Variants in RFK observed in about 807,000 individuals in gnomAD.
RFK encodes the protein 0610038L10Rik.
Under a neutral mutation model 17.6 loss-of-function variants are expected in RFK, and 4 were observed. The observed-to-expected ratio is 0.23, with a 90% CI of 0.11 to 0.52. RFK has a LOEUF of 0.52. Ranked by LOEUF, RFK falls within the 20% of genes least tolerant of loss-of-function variation. RFK has a pLI of 0.96. For missense variants in RFK, 189 were observed against 187.7 expected, an observed-to-expected ratio of 1.01 and a Z score of -0.04; for synonymous variants, 59 against 63.8, an observed-to-expected ratio of 0.92 and a Z score of 0.36.
chr9:76,387,658 A>C, intron 3 of RFK, 129 bp from the exon 4 acceptor site: 2 of 810,712 alleles, frequency 2.5e-6, no homozygotes, highest in Non-Finnish European at 3.8e-6. Flanking sequence ...TACCCAATAA[A>C]TGTTTGTTCC....
At chr9:76,390,216 A>G (rs1280836702) in intron 2 of RFK, among the ~76,000 whole-genome samples, 1 of 152,242 alleles carries the variant, frequency 6.6e-6, no homozygotes, top group African/African-American at 2.4e-5. Flanking sequence ...ATACCATACT[A>G]AAAAAGTCAA....
Position 76,387,338 on chromosome 9 carries a change from G to C in RFK, c.*61C>G, listed in dbSNP as rs935218299. Reference sequence around the variant, plus strand: ...TTCAGTATATAACCAAGATGATGCTGAACAGTAATAAACACAGAAACACTA... The same window carrying C: ...TTCAGTATATAACCAAGATGATGCTCAACAGTAATAAACACAGAAACACTA... On this transcript the variant is annotated 3_prime_UTR_variant, in exon 4 of 4. Coordinates refer to ENST00000376736, the MANE Select transcript of RFK (RefSeq NM_018339.6). The C allele has an allele frequency of 4.1e-6, 6 of 1,475,080 alleles. No individual in the cohort carries two copies. The highest frequency in any genetic ancestry group is 3.6e-5 in the Admixed American group (2 of 55,620). The allele number at this position is 1,475,080 out of a possible 1,614,324, so 91.4% of individuals were successfully genotyped here.
Position 76,387,243 on chromosome 9 carries a change from G to A in RFK, c.*156C>T. ...ATGATATGATGGGCTTAATTTAATA[G>A]TTGAAGCATGATATGATAACAACAT... On this transcript the variant is annotated 3_prime_UTR_variant, in exon 4 of 4. Transcript: ENST00000376736. 1 of 643,508 alleles carries A rather than the reference G, an allele frequency of 1.6e-6. No individual in the cohort carries two copies. Among genetic ancestry groups the A allele is most frequent in the South Asian group, 2.3e-5 (1 of 43,144 alleles). 39.9% of individuals were successfully genotyped at this position (643,508 alleles called of 1,614,324 possible). A position where few individuals can be genotyped will look rare whatever the true frequency, so the allele number is the denominator to read the frequency against.
intron 2 of RFK, among the ~76,000 whole-genome samples, chr9:76,391,744 T>C (rs1382276198): frequency 6.6e-6 from 1 of 152,214 alleles, no homozygotes; most frequent in African/African-American, 2.4e-5. Context: ...TAATCTTTGT[T>C]ATTGGGTACC....
intron 3 of RFK, 133 bp from the exon 4 acceptor site, chr9:76,387,662 T>C (rs1822756780): frequency 1.3e-6 from 1 of 778,590 alleles, no homozygotes; most frequent in Admixed American, 2.7e-5. Flanking sequence ...CAATAAATGT[T>C]TGTTCCATCA....
In RFK at chr9:76,394,302, C is replaced by T; in HGVS notation, c.-131G>A. The T allele has an allele frequency of 2.4e-6, 2 of 844,138 alleles. No homozygotes were observed. Among genetic ancestry groups the T allele is most frequent in the Non-Finnish European group, 3.5e-6 (2 of 577,764 alleles). The allele number at this position is 844,138 out of a possible 1,614,324, so 52.3% of individuals were successfully genotyped here. ...AGCTCTGCCTGCCGCGGGGGCGCAC[C>T]AGTGGCCGGACGACGCCGACCACAG... On this transcript the variant is annotated 5_prime_UTR_variant, in exon 1 of 4. Transcript: ENST00000376736.
chr9:76,392,686 C>G lies in RFK; in HGVS notation c.83-117G>C, dbSNP rs916802796. 21 of 965,252 alleles carry G rather than the reference C, an allele frequency of 2.2e-5. No individual in the cohort carries two copies. The Admixed American group carries it at 4.7e-4, about 22-fold the overall frequency. 59.8% of individuals were successfully genotyped at this position (965,252 alleles called of 1,614,324 possible). ...CTTTGAGAGGCCAAGGCAGGAGGCT[C>G]ATGTTGAGCTCTGGGGTTTGAGACC... On this transcript the variant is annotated intron_variant, in intron 1 of 3. Transcript: ENST00000376736.
chr9:76,390,746 A>G (rs1249741331), intron 2 of RFK, among the ~76,000 whole-genome samples: 3 of 148,924 alleles, frequency 2.0e-5, no homozygotes, highest in Non-Finnish European at 4.5e-5. Context: ...ACACACAATG[A>G]AAGAAATTTG....
Position 76,390,935 on chromosome 9 carries a change from G to C in RFK, c.234+1483C>G, listed in dbSNP as rs7042954. On this transcript the variant is annotated intron_variant, in intron 2 of 3. Transcript: ENST00000376736. ...CAAAAGTTCAATTTTCCACTGGTAAGATATGCCTATGTTTCAAATTCAATT... is the reference window on the plus strand; with the variant it reads ...CAAAAGTTCAATTTTCCACTGGTAACATATGCCTATGTTTCAAATTCAATT... Among the ~76,000 whole-genome samples, 512 of 151,980 alleles carry C rather than the reference G, an allele frequency of 3.4e-3. 2 individuals are homozygous for C. The highest frequency in any genetic ancestry group is 0.012 in the African/African-American group (492 of 41,468).
intron 2 of RFK, among the ~76,000 whole-genome samples, chr9:76,390,248 TAAACTTTTAGAAAA>T (rs1204348762): frequency 6.6e-6 from 1 of 152,208 alleles, no homozygotes; most frequent in African/African-American, 2.4e-5. Context: ...GTCAGTCAAT[TAAACTTTTAGAAAA>T]AAACCACAGA....
chr9:76,391,609 A>G (rs1163999660), intron 2 of RFK, among the ~76,000 whole-genome samples: 1 of 152,248 alleles, frequency 6.6e-6, no homozygotes, highest in Non-Finnish European at 1.5e-5. Flanking sequence ...AATCATTTTT[A>G]TCTTTGGTCA....
intron 1 of RFK, 133 bp from the exon 2 acceptor site, chr9:76,392,702 G>A: frequency 1.3e-6 from 1 of 795,758 alleles, no homozygotes; most frequent in Non-Finnish European, 2.0e-6. Context: ...GAGCTCTGGG[G>A]TTTGAGACCG....
At chr9:76,391,551 T>G (rs1458644690) in intron 2 of RFK, among the ~76,000 whole-genome samples, 1 of 152,224 alleles carries the variant, frequency 6.6e-6, no homozygotes, top group Admixed American at 6.5e-5. Context: ...AAATGGTGAA[T>G]GAAGTGCATT....
intron 1 of RFK, among the ~76,000 whole-genome samples, chr9:76,393,250 A>T (rs961407711): frequency 6.9e-6 from 1 of 144,504 alleles, no homozygotes; most frequent in African/African-American, 2.6e-5. Context: ...TCTGTCGCCC[A>T]GGCTGGAGGG....
At chr9:76,388,750 G>A in intron 2 of RFK, 94 bp from the exon 3 acceptor site, 1 of 718,510 alleles carries the variant, frequency 1.4e-6, no homozygotes, top group South Asian at 1.8e-5. Context: ...TAATTTAAAT[G>A]AAACAATCAA....
intron 2 of RFK, among the ~76,000 whole-genome samples, chr9:76,389,110 A>T (rs1822781932): frequency 6.6e-6 from 1 of 152,348 alleles, no homozygotes; most frequent in Non-Finnish European, 1.5e-5. Flanking sequence ...TGAGGACTGA[A>T]GGGGCAGGAG....
At chr9:76,393,489 G>A (rs948000397) in intron 1 of RFK, among the ~76,000 whole-genome samples, 1 of 152,310 alleles carries the variant, frequency 6.6e-6, no homozygotes, top group African/African-American at 2.4e-5. Context: ...TTACAGGCGT[G>A]AGCCACCACG....
chr9:76,390,387 G>A (rs1822803398), intron 2 of RFK, among the ~76,000 whole-genome samples: 1 of 152,148 alleles, frequency 6.6e-6, no homozygotes, highest in Non-Finnish European at 1.5e-5. Flanking sequence ...CCTCTGGGCT[G>A]GGTGCCATGC....
chr9:76,391,001 A>T (rs1006234496), intron 2 of RFK, among the ~76,000 whole-genome samples: 3 of 152,190 alleles, frequency 2.0e-5, no homozygotes, highest in Non-Finnish European at 4.4e-5. Context: ...TGGCTGTATA[A>T]TAACATTTTT....
Sources: gnomAD v4.1 joint callset for allele counts (sites outside exome capture counted in the v4.1 genomes callset) on GRCh38, gnomAD v4.1.1 for gene constraint, MANE v1.5 for transcripts, NCBI Gene and HGNC (gene_info 2026-07-23, HGNC 2026-07-21) for gene names.